ITPRID1: variants seen among roughly 807,000 people sequenced by gnomAD.
ITPRID1 encodes protein ITPRID1.
In ITPRID1, 96 loss-of-function variants were observed where a neutral mutation model predicts 95.4. The ratio of observed to expected loss-of-function variants is 1.01; its 90% CI spans 0.85 to 1.19. The LOEUF is 1.19. Ranked by LOEUF, ITPRID1 falls within the 50% of genes most tolerant of loss-of-function variation. ITPRID1 has a pLI of 0.00. For synonymous variants in ITPRID1, 510 were observed against 453.6 expected, an observed-to-expected ratio of 1.12 and a Z score of -1.58; for missense variants, 1,339 against 1,252.9, an observed-to-expected ratio of 1.07 and a Z score of -1.04.
At position 31,656,258 on chromosome 7, in the gene ITPRID1, G is replaced by A. The variant is rs1250768980; in HGVS notation, c.*3429G>A. The A allele has an allele frequency of 5.6e-6, 1 of 177,300 alleles. No individual in the cohort carries two copies. The highest frequency in any genetic ancestry group is 1.9e-4 in the East Asian group (1 of 5,270). The allele number at this position is 177,300 out of a possible 1,614,324, so 11.0% of individuals were successfully genotyped here. A position where few individuals can be genotyped will look rare whatever the true frequency, so the allele number is the denominator to read the frequency against. The stretch of plus-strand genomic sequence containing the variant: ...TACCTACTACCCTGTGTTTAAGAGA[G>A]ACTATCTGGAGGAAAGTACAGACTC... On this transcript the variant is annotated 3_prime_UTR_variant, in exon 15 of 15. Coordinates refer to ENST00000615280, the MANE Select transcript of ITPRID1 (RefSeq NM_001257967.3).
chr7:31,576,924 T>TC (rs1248763484), intron 8 of ITPRID1, among the ~76,000 whole-genome samples: 1 of 151,852 alleles, frequency 6.6e-6, no homozygotes, highest in East Asian at 1.9e-4. Context: ...TTTTCCACTT[T>TC]TTTTTTTTTT....
At chr7:31,519,608 C>CCATATATATATA (rs1783157295) in intron 1 of ITPRID1, among the ~76,000 whole-genome samples, 1 of 54,704 alleles carries the variant, frequency 1.8e-5, no homozygotes, top group Non-Finnish European at 3.6e-5. Flanking sequence ...CTCTCTCTCT[C>CCATATATATATA]TCTCTCTCTC....
intron 1 of ITPRID1, among the ~76,000 whole-genome samples, chr7:31,540,251 C>T (rs772394363): frequency 2.0e-5 from 3 of 151,948 alleles, no homozygotes; most frequent in Non-Finnish European, 2.9e-5. Context: ...ACTCACTAGA[C>T]GTGGGGGTGA....
intron 10 of ITPRID1, among the ~76,000 whole-genome samples, chr7:31,599,694 T>C (rs35635553): frequency 0.28 from 26,033 of 94,124 alleles, 3,698 homozygotes; most frequent in Non-Finnish European, 0.31. Flanking sequence ...CTCTCTCTCT[T>C]TCTTTCTTTC....
At chr7:31,626,162 C>T (rs937812254) in intron 10 of ITPRID1, among the ~76,000 whole-genome samples, 1 of 152,188 alleles carries the variant, frequency 6.6e-6, no homozygotes. Context: ...AAATCTGTGA[C>T]TATGTGTATG....
intron 10 of ITPRID1, among the ~76,000 whole-genome samples, chr7:31,597,448 C>G (rs1008734922): frequency 1.3e-5 from 2 of 151,384 alleles, no homozygotes; most frequent in Non-Finnish European, 2.9e-5. Context: ...AGAAATCAGT[C>G]TCCATGCATC....
chr7:31,583,260 T>G, intron 10 of ITPRID1, 69 bp downstream of exon 10: 6 of 1,076,374 alleles, frequency 5.6e-6, no homozygotes, highest in Non-Finnish European at 5.7e-6. Flanking sequence ...GTATTTAAAT[T>G]TCTTAATATG....
At chr7:31,651,559 G>A (rs1790952653) in intron 13 of ITPRID1, among the ~76,000 whole-genome samples, 1 of 152,120 alleles carries the variant, frequency 6.6e-6, no homozygotes, top group Non-Finnish European at 1.5e-5. Context: ...GCAAATGTGG[G>A]AGTTATGAGA....
intron 5 of ITPRID1, chr7:31,555,121 GC>G: frequency 2.0e-6 from 1 of 498,244 alleles, no homozygotes; most frequent in Non-Finnish European, 3.6e-6. Context: ...CAGGGCTCTT[GC>G]CATATCATCA....
chr7:31,612,966 T>C (rs1197376848), intron 10 of ITPRID1, among the ~76,000 whole-genome samples: 1 of 152,196 alleles, frequency 6.6e-6, no homozygotes, highest in African/African-American at 2.4e-5. Flanking sequence ...ACCATTGTTT[T>C]AAACATACAC....
chr7:31,606,197 A>T (rs1786614456), intron 10 of ITPRID1, among the ~76,000 whole-genome samples: 1 of 152,158 alleles, frequency 6.6e-6, no homozygotes. Flanking sequence ...AGGACTATTT[A>T]AAAAACCAGT....
At chr7:31,549,343 G>A in intron 1 of ITPRID1, 83 bp from the exon 2 acceptor site, 1 of 976,842 alleles carries the variant, frequency 1.0e-6, no homozygotes, top group Non-Finnish European at 1.4e-6. Flanking sequence ...GACAACACAG[G>A]CTACCCACAA....
At chr7:31,526,891 G>C (rs911248178) in intron 1 of ITPRID1, among the ~76,000 whole-genome samples, 1 of 152,138 alleles carries the variant, frequency 6.6e-6, no homozygotes, top group Non-Finnish European at 1.5e-5. Flanking sequence ...ATTGAAGCAA[G>C]AAGATCTTTT....
chr7:31,602,173 T>A (rs1468351905), intron 10 of ITPRID1, among the ~76,000 whole-genome samples: 1 of 152,202 alleles, frequency 6.6e-6, no homozygotes, highest in Non-Finnish European at 1.5e-5. Flanking sequence ...ACAATTTTTT[T>A]ATTAGGCAAT....
At chr7:31,573,145 G>A (rs527420054) in intron 7 of ITPRID1, among the ~76,000 whole-genome samples, 1 of 152,194 alleles carries the variant, frequency 6.6e-6, no homozygotes, top group Admixed American at 6.5e-5. Context: ...CACGTTATAA[G>A]TTTCAATAAT....
chr7:31,577,747 A>G lies in ITPRID1; in HGVS notation c.599-116A>G, dbSNP rs897423918. 2.6e-5 allele frequency: 21 copies of G among 809,384 alleles called. No individual in the cohort carries two copies. In the African/African-American group the frequency reaches 3.6e-4, roughly 14 times the overall value. The allele number at this position is 809,384 out of a possible 1,614,324, so 50.1% of individuals were successfully genotyped here. A position where few individuals can be genotyped will look rare whatever the true frequency, so the allele number is the denominator to read the frequency against. On this transcript the variant is annotated intron_variant, in intron 8 of 14. Transcript: ENST00000615280. The stretch of plus-strand genomic sequence containing the variant: ...GAAAAACTTGAGTTTCAAGAGCCTA[A>G]TGTCCTTCCTATCTTGAAAATTTCA...
At chr7:31,528,783 A>G (rs1254808607) in intron 1 of ITPRID1, among the ~76,000 whole-genome samples, 1 of 152,130 alleles carries the variant, frequency 6.6e-6, no homozygotes, top group Non-Finnish European at 1.5e-5. Flanking sequence ...AGAACTTCCA[A>G]TTCATCTTTT....
At chr7:31,569,246 A>G (rs879369965) in intron 5 of ITPRID1, among the ~76,000 whole-genome samples, 2 of 152,114 alleles carry the variant, frequency 1.3e-5, no homozygotes, top group Non-Finnish European at 2.9e-5. Context: ...AAATGAAGGG[A>G]ATATGCTTCA....
rs2128210219 is a variant in ITPRID1, at chr7:31,642,913, C to T, written c.1543C>T (p.Pro515Ser). The part of the protein sequence containing the change: ...EFLLEAMEGP[P>S]ELYIPDMACA... Reference sequence around the variant, plus strand: ...TCTGCTTGAGGCCATGGAGGGGCCACCAGAGCTGTATATCCCAGACATGGC... The same window carrying T: ...TCTGCTTGAGGCCATGGAGGGGCCATCAGAGCTGTATATCCCAGACATGGC... Residue 515 changes from proline (P) to serine (S), a missense_variant, in exon 12 of 15, where the codon CCA becomes TCA. By Grantham distance (74) the Pro-to-Ser change is moderately conservative. Coordinates refer to ENST00000615280, the MANE Select transcript of ITPRID1 (RefSeq NM_001257967.3). 2 of 1,614,026 alleles carry T rather than the reference C, an allele frequency of 1.2e-6. No homozygotes were observed. Among genetic ancestry groups the T allele is most frequent in the Non-Finnish European group, 8.5e-7 (1 of 1,179,890 alleles).
Sources: allele counts gnomAD v4.1 joint callset (sites outside exome capture counted in the v4.1 genomes callset), GRCh38; gene constraint gnomAD v4.1.1; transcripts MANE v1.5; gene names NCBI Gene and HGNC (gene_info 2026-07-23, HGNC 2026-07-21).